Variants in DNAJB14 observed in about 807,000 individuals in gnomAD.
The protein encoded by DNAJB14 is DnaJ heat shock protein family (Hsp40) member B14.
Under a neutral mutation model 48.4 loss-of-function variants are expected in DNAJB14, and 22 were observed. The observed-to-expected ratio is 0.45, with a 90% CI of 0.32 to 0.65. The LOEUF (loss-of-function observed/expected upper bound fraction) is 0.65, where lower values mean the gene tolerates loss of function less well. DNAJB14 is among the 30% of genes least tolerant of loss of function. The pLI, the probability that DNAJB14 is intolerant of heterozygous loss-of-function variation, is 0.03. For synonymous variants in DNAJB14, 142 were observed against 158.7 expected (o/e 0.89, Z 0.79); for missense variants, 319 against 458.8 (o/e 0.70, Z 2.78).
intron 3 of DNAJB14, among the ~76,000 whole-genome samples, chr4:99,915,508 G>C (rs919950569): frequency 6.6e-6 from 1 of 152,210 alleles, no homozygotes; most frequent in Admixed American, 6.5e-5. Flanking sequence ...TTAGAAATTT[G>C]TTGTTCAGTT....
At chr4:99,934,271 C>T (rs933716097) in intron 1 of DNAJB14, among the ~76,000 whole-genome samples, 2 of 152,014 alleles carry the variant, frequency 1.3e-5, no homozygotes, top group Admixed American at 6.6e-5. Context: ...AGGATCTCTA[C>T]GTATTTACCA....
chr4:99,926,837 T>C (rs929513568), intron 2 of DNAJB14: 1 of 152,124 alleles, frequency 6.6e-6, no homozygotes, highest in Non-Finnish European at 1.5e-5. Flanking sequence ...AAATTTTTCA[T>C]CATATATTAG....
At chr4:99,940,458 G>A (rs78372119) in intron 1 of DNAJB14, among the ~76,000 whole-genome samples, 3,246 of 152,222 alleles carry the variant, frequency 0.021, 96 homozygotes, top group East Asian at 0.13. Flanking sequence ...CTGGTGTCGT[G>A]ACACACGCCT....
chr4:99,928,899 T>A (rs1289224637), intron 2 of DNAJB14: 1 of 154,142 alleles, frequency 6.5e-6, no homozygotes, highest in African/African-American at 2.4e-5. Flanking sequence ...CTAATAAACG[T>A]TTTTTACAAA....
intron 1 of DNAJB14, among the ~76,000 whole-genome samples, chr4:99,944,353 A>C (rs1447134999): frequency 6.6e-6 from 1 of 152,218 alleles, no homozygotes; most frequent in Non-Finnish European, 1.5e-5. Flanking sequence ...TCAAAAATTA[A>C]AAATAGAATT....
At chr4:99,924,689 A>G in intron 2 of DNAJB14, 1 of 1,594,762 alleles carries the variant, frequency 6.3e-7, no homozygotes, top group Admixed American at 1.8e-5. Context: ...GTAGAGACTC[A>G]TTCTCCTAGA....
chr4:99,899,465 T>G lies in DNAJB14; in HGVS notation c.*1563A>C. The G allele has an allele frequency of 6.6e-6, 1 of 152,034 alleles. No individual in the cohort carries two copies. Among genetic ancestry groups the G allele is most frequent in the East Asian group, 1.9e-4 (1 of 5,178 alleles). 9.4% of individuals were successfully genotyped at this position (152,034 alleles called of 1,614,324 possible). A position where few individuals can be genotyped will look rare whatever the true frequency, so the allele number is the denominator to read the frequency against. On this transcript the variant is annotated 3_prime_UTR_variant, in exon 8 of 8. Coordinates refer to ENST00000442697, the MANE Select transcript of DNAJB14 (RefSeq NM_001031723.4). ...AAGCTCTCCAGTTTTCCTATGACAG[T>G]ATGTTGTTTAGTTTAACCTACTAAT...
intron 3 of DNAJB14, among the ~76,000 whole-genome samples, chr4:99,918,034 A>C (rs1725918034): frequency 6.6e-6 from 1 of 152,044 alleles, no homozygotes; most frequent in Admixed American, 6.5e-5. Flanking sequence ...GGAAGTTTTC[A>C]ACCTTTAATT....
intron 1 of DNAJB14, among the ~76,000 whole-genome samples, chr4:99,940,146 T>C (rs1311815645): frequency 6.6e-6 from 1 of 152,250 alleles, no homozygotes; most frequent in African/African-American, 2.4e-5. Context: ...TTTTTATTCT[T>C]AAGTTTCTGT....
rs1727076216 is a variant in DNAJB14, at chr4:99,946,371, G to A, written c.133+68C>T. ...GCAGGCCTCCAGGAGGGGCCGAGGT[G>A]GGGGCAGGGGCGGGCTACGCGGTGG... On this transcript the variant is annotated intron_variant, in intron 1 of 7. Coordinates refer to ENST00000442697, the MANE Select transcript of DNAJB14 (RefSeq NM_001031723.4). 2.6e-6 allele frequency: 4 copies of A among 1,550,442 alleles called. No individual in the cohort carries two copies. In the South Asian group the frequency reaches 4.7e-5, roughly 18 times the overall value.
chr4:99,906,563 T>C lies in DNAJB14; in HGVS notation c.686A>G (p.His229Arg), dbSNP rs749376597. ...SNGRAGYSQQ[H>R]QHRHSGHERE... ...TTCATGTCCACTATGTCGATGCTGA[T>C]GTTGTTGGCTATAACCAGCTCTTCC... The change falls in exon 5 of 8, where the codon CAT (histidine) becomes CGT (arginine). Residue 229 changes from histidine (H) to arginine (R), a missense_variant. By Grantham distance (29) the His-to-Arg change is conservative. This residue lies in a region of DNAJB14 where 166 missense variants were observed against 236.3 expected (regional missense o/e 0.70). Transcript: ENST00000442697. 8 of 1,611,512 alleles carry C rather than the reference T, an allele frequency of 5.0e-6. No individual in the cohort carries two copies. Among genetic ancestry groups the C allele is most frequent in the Non-Finnish European group, 6.8e-6 (8 of 1,179,630 alleles).
intron 1 of DNAJB14, among the ~76,000 whole-genome samples, chr4:99,934,840 C>CAAAAAAAAA (rs1726613826): frequency 8.7e-6 from 1 of 115,014 alleles, no homozygotes; most frequent in Non-Finnish European, 1.9e-5. Context: ...AATTATCTCT[C>CAAAAAAAAA]AAAAACTTAT....
At position 99,930,512 on chromosome 4, in the gene DNAJB14, G is replaced by C. The variant is rs1726424808; in HGVS notation, c.243C>G (p.Ser81Arg). The C allele has an allele frequency of 1.2e-6, 2 of 1,612,382 alleles. No individual in the cohort carries two copies. The highest frequency in any genetic ancestry group is 1.3e-5 in the African/African-American group (1 of 74,958). ...DQSKPNCTKDSTSGSGEGGKG... is the reference protein window; with the variant it reads ...DQSKPNCTKDRTSGSGEGGKG... ...TTCCACCTTCACCACTACCAGATGTGCTGTCCTTTGTGCAATTAGGCTTGC... is the reference window on the plus strand; with the variant it reads ...TTCCACCTTCACCACTACCAGATGTCCTGTCCTTTGTGCAATTAGGCTTGC... The change falls in exon 2 of 8, where the codon AGC (serine) becomes AGG (arginine). Residue 81 changes from serine to arginine, a missense_variant. Around this residue, in one of 3 missense-constraint regions of DNAJB14, gnomAD observed 116 missense variants for 134.6 expected, o/e 0.86. Coordinates refer to ENST00000442697, the MANE Select transcript of DNAJB14 (RefSeq NM_001031723.4).
rs553478837 is a variant in DNAJB14 at position 99,905,987 on chromosome 4, C to G, written c.733-281G>C. On this transcript the variant is annotated intron_variant, in intron 5 of 7. Transcript: ENST00000442697. ...TTCTCTTTCCCGACTCCCTCCCCCC[C>G]ACACACAGAGACGCTATCAATATGC... 55 of 1,291,342 alleles carry G rather than the reference C, an allele frequency of 4.3e-5. No individual in the cohort carries two copies. In the South Asian group the frequency reaches 6.2e-4, roughly 15 times the overall value. The allele number at this position is 1,291,342 out of a possible 1,614,324, so 80.0% of individuals were successfully genotyped here.
intron 1 of DNAJB14, among the ~76,000 whole-genome samples, chr4:99,930,896 C>A (rs1395215338): frequency 6.6e-6 from 1 of 152,160 alleles, no homozygotes; most frequent in Non-Finnish European, 1.5e-5. Context: ...TCATGTGACA[C>A]TGCAGATTAC....
chr4:99,931,678 C>A lies in DNAJB14; in HGVS notation c.134-1057G>T, dbSNP rs557508566. Among the ~76,000 whole-genome samples, 30 of 151,272 alleles carry A rather than the reference C, an allele frequency of 2.0e-4. No individual in the cohort carries two copies. The South Asian group carries it at 5.6e-3, about 28-fold the overall frequency. ...TAGTGAATATCTCTTTCTCACAGGC[C>A]CACATTATCGCTAGACCATAGAGTG... On this transcript the variant is annotated intron_variant, in intron 1 of 7. Coordinates refer to ENST00000442697, the MANE Select transcript of DNAJB14 (RefSeq NM_001031723.4).
rs1389405530 is a variant in DNAJB14 at position 99,899,110 on chromosome 4, T to G, written c.*1918A>C. On this transcript the variant is annotated 3_prime_UTR_variant, in exon 8 of 8. Transcript: ENST00000442697. ...TATAATATATACTTTATGGTATCAC[T>G]TAACTTTGTACAATAACTTCACCTA... 6.6e-6 allele frequency: 1 copy of G among 151,930 alleles called. No individual in the cohort carries two copies. Among genetic ancestry groups the G allele is most frequent in the Non-Finnish European group, 1.5e-5 (1 of 67,810 alleles). The allele number at this position is 151,930 out of a possible 1,614,324, so 9.4% of individuals were successfully genotyped here. A position where few individuals can be genotyped will look rare whatever the true frequency, so the allele number is the denominator to read the frequency against.
chr4:99,921,956 G>A (rs879848071), intron 3 of DNAJB14, among the ~76,000 whole-genome samples: 3 of 152,062 alleles, frequency 2.0e-5, no homozygotes, highest in Non-Finnish European at 2.9e-5. Context: ...ACTATTTTCT[G>A]GATACATTCT....
At chr4:99,941,045 GTTAT>G (rs372763858) in intron 1 of DNAJB14, among the ~76,000 whole-genome samples, 33 of 151,376 alleles carry the variant, frequency 2.2e-4, no homozygotes, top group Admixed American at 3.3e-4. Flanking sequence ...TTTTCATTTA[GTTAT>G]TTATTTAACA....
Sources: allele counts gnomAD v4.1 joint callset (sites outside exome capture counted in the v4.1 genomes callset), GRCh38; gene constraint gnomAD v4.1.1; regional missense constraint gnomAD v4.1.1; transcripts MANE v1.5; gene names NCBI Gene and HGNC (gene_info 2026-07-23, HGNC 2026-07-21).